The following ANGPT4 variants were observed in gnomAD, a reference collection of about 807,000 sequenced individuals.
ANGPT4 encodes angiopoietin-4.
A neutral mutation model predicts 53.0 loss-of-function variants in ANGPT4; 50 were observed. That is an observed-to-expected ratio of 0.94 (90% CI 0.75 to 1.20). The LOEUF (loss-of-function observed/expected upper bound fraction) is 1.20. Ranked by LOEUF, ANGPT4 falls within the 50% of genes most tolerant of loss-of-function variation. ANGPT4 has a pLI of 0.00. For synonymous variants in ANGPT4, 251 were observed against 259.7 expected (o/e 0.97, Z 0.32); for missense variants, 648 against 637.1 (o/e 1.02, Z -0.18).
At chr20:899,711 AC>A (rs1442527575) in intron 1 of ANGPT4, among the ~76,000 whole-genome samples, 3 of 151,990 alleles carry the variant, frequency 2.0e-5, no homozygotes, top group Admixed American at 2.0e-4. Flanking sequence ...GTGGTGCCAA[AC>A]CCATATACTC....
chr20:883,650 G>A (rs748041099), intron 4 of ANGPT4, among the ~76,000 whole-genome samples: 2 of 152,174 alleles, frequency 1.3e-5, no homozygotes, highest in African/African-American at 4.8e-5. Flanking sequence ...AGGGTGTTTG[G>A]GCAAAAGGTG....
At chr20:873,857 C>A (rs1168636783) in intron 8 of ANGPT4, among the ~76,000 whole-genome samples, 1 of 152,194 alleles carries the variant, frequency 6.6e-6, no homozygotes, top group African/African-American at 2.4e-5. Flanking sequence ...CTCCCATTCA[C>A]CCCACTTCCT....
chr20:885,265 G>C lies in ANGPT4; in HGVS notation c.648C>G (p.Ile216Met), dbSNP rs138501858. 25 of 1,582,388 alleles carry C rather than the reference G, an allele frequency of 1.6e-5. No homozygotes were observed. In the African/African-American group the frequency reaches 2.4e-4, roughly 15 times the overall value. Residue 216 changes from isoleucine to methionine, a missense_variant, in exon 4 of 9, where the codon ATC becomes ATG. Physicochemically the swap from Ile to Met is conservative, Grantham distance 10. Coordinates refer to ENST00000381922, the MANE Select transcript of ANGPT4 (RefSeq NM_015985.4). Reference protein sequence around the residue: ...ETKQQEELASILSKKAKLLNT... With the variant: ...ETKQQEELASMLSKKAKLLNT... The stretch of plus-strand genomic sequence containing the variant: ...TCAGCAGCTTCGCCTTCTTGCTGAG[G>C]ATGCTGGCCAGCTCCTCCTGCTGCT...
chr20:906,245 C>G (rs1982475866), intron 1 of ANGPT4, among the ~76,000 whole-genome samples: 1 of 152,178 alleles, frequency 6.6e-6, no homozygotes, highest in African/African-American at 2.4e-5. Context: ...GCCTGAGGAC[C>G]CTTAAGCAGC....
intron 1 of ANGPT4, among the ~76,000 whole-genome samples, chr20:899,741 C>T (rs1177309161): frequency 6.6e-6 from 1 of 152,174 alleles, no homozygotes; most frequent in Admixed American, 6.5e-5. Flanking sequence ...TCAATACGCC[C>T]CTCCACAACC....
In ANGPT4 at chr20:908,928, T is replaced by G. The variant is rs915697354; in HGVS notation, c.309+6978A>C. 2.6e-5 allele frequency among the ~76,000 whole-genome samples: 4 copies of G among 152,120 alleles called. No homozygotes were observed. Among genetic ancestry groups the G allele is most frequent in the Non-Finnish European group, 5.9e-5 (4 of 68,022 alleles). On this transcript the variant is annotated intron_variant, in intron 1 of 8. Transcript: ENST00000381922. The surrounding 1 kb of genome is among the most constrained non-coding windows in gnomAD (Gnocchi z 4.9). Reference sequence around the variant, plus strand: ...GGTCTCAGCTGGGTGTCAGGAACCCTGGGTTCTGGGCCAACTCCTGCCACC... The same window carrying G: ...GGTCTCAGCTGGGTGTCAGGAACCCGGGGTTCTGGGCCAACTCCTGCCACC...
intron 5 of ANGPT4, 150 bp from the exon 6 acceptor site, chr20:879,998 A>G (rs1981338132): frequency 2.1e-6 from 1 of 484,460 alleles, no homozygotes; most frequent in Admixed American, 3.9e-5. Flanking sequence ...CCAGGCTTAA[A>G]TTCCCCACCC....
At position 908,349 on chromosome 20, in the gene ANGPT4, T is replaced by C. The variant is rs949178755; in HGVS notation, c.309+7557A>G. 1.3e-5 allele frequency among the ~76,000 whole-genome samples: 2 copies of C among 152,186 alleles called. No homozygotes were observed. Among genetic ancestry groups the C allele is most frequent in the African/African-American group, 4.8e-5 (2 of 41,438 alleles). ...TGAATGCCTTTTGCTTTTGGCCCAT[T>C]CTACCCCCAGGGCCTTTGCACTTGC... On this transcript the variant is annotated intron_variant, in intron 1 of 8. Coordinates refer to ENST00000381922, the MANE Select transcript of ANGPT4 (RefSeq NM_015985.4). The surrounding 1 kb of genome is among the most constrained non-coding windows in gnomAD (Gnocchi z 4.9).
Position 879,781 on chromosome 20 carries a change from A to T in ANGPT4, c.1019T>A (p.Val340Glu). 6.2e-7 allele frequency: 1 copy of T among 1,613,688 alleles called. No individual in the cohort carries two copies. The highest frequency in any genetic ancestry group is 8.5e-7 in the Non-Finnish European group (1 of 1,179,788). Residue 340 changes from valine to glutamate, a missense_variant, in exon 6 of 9, where the codon GTG becomes GAG. Val to Glu is a moderately radical substitution (Grantham distance 121). Transcript: ENST00000381922. ...TLIQRRENGT[V>E]NFQRNWKDYK... ...ATCCTTCCAGTTCCGCTGAAAATTC[A>T]CGGTGCCATTCTCACGGCGCTGGAT... is the stretch of plus-strand genomic sequence containing the variant.
At position 870,386 on chromosome 20, in the gene ANGPT4, G is replaced by A. The variant is rs147639206; in HGVS notation, c.*2574C>T. The A allele has an allele frequency of 8.8e-3, 1,323 of 150,946 alleles. 12 individuals are homozygous for A. The highest frequency in any genetic ancestry group is 0.014 in the Non-Finnish European group (979 of 67,964). The allele number at this position is 150,946 out of a possible 1,614,324, so 9.4% of individuals were successfully genotyped here. ...TCTACTAAAAATACAAAAGTTTTCC[G>A]GGCGTGGTGGTAGGCGTCTGTAATC... On this transcript the variant is annotated 3_prime_UTR_variant, in exon 9 of 9. Coordinates refer to ENST00000381922, the MANE Select transcript of ANGPT4 (RefSeq NM_015985.4).
intron 8 of ANGPT4, among the ~76,000 whole-genome samples, chr20:874,047 T>TG (rs1491143680): frequency 6.6e-6 from 1 of 152,170 alleles, no homozygotes; most frequent in Non-Finnish European, 1.5e-5. Context: ...GCCTTGTCTC[T>TG]GAGGAAAACT....
chr20:905,253 C>T (rs925578869), intron 1 of ANGPT4, among the ~76,000 whole-genome samples: 8 of 152,170 alleles, frequency 5.3e-5, no homozygotes, highest in African/African-American at 1.9e-4. Flanking sequence ...GTCATTTGTC[C>T]AATTCCCCCA....
In ANGPT4 at chr20:890,339, C is replaced by A. The variant is rs1256339843; in HGVS notation, c.339G>T (p.Arg113Ser). 1 of 1,612,994 alleles carries A rather than the reference C, an allele frequency of 6.2e-7. No individual in the cohort carries two copies. Among genetic ancestry groups the A allele is most frequent in the Non-Finnish European group, 8.5e-7 (1 of 1,179,946 alleles). Residue 113 changes from arginine (R) to serine (S), a missense_variant, in exon 2 of 9, where the codon AGG becomes AGT. Transcript: ENST00000381922. ...GCTGCTGGACCTGCTCCAGCTTCGACCTCAAGATCGTCTTGATGGCCCTCT... is the reference window on the plus strand; with the variant it reads ...GCTGCTGGACCTGCTCCAGCTTCGAACTCAAGATCGTCTTGATGGCCCTCT... The part of the protein sequence containing the change: ...KLERAIKTIL[R>S]SKLEQVQQQM...
In ANGPT4 at chr20:911,232, C is replaced by T. The variant is rs1982683295; in HGVS notation, c.309+4674G>A. On this transcript the variant is annotated intron_variant, in intron 1 of 8. Transcript: ENST00000381922. This position sits in a 1 kb window ranked among gnomAD's most constrained non-coding sequence, Gnocchi z 4.9. The stretch of plus-strand genomic sequence containing the variant: ...CAGTTAGGCAGGGCCTCACAACTGC[C>T]AGGCCGAGGGGCCCAGTTATTCTGA... Among the ~76,000 whole-genome samples the T allele has an allele frequency of 6.6e-6, 1 of 152,202 alleles. No individual in the cohort carries two copies. Among genetic ancestry groups the T allele is most frequent in the African/African-American group, 2.4e-5 (1 of 41,454 alleles).
In ANGPT4 at chr20:888,361, G is replaced by A; in HGVS notation, c.544C>T (p.Leu182=). The change falls in exon 3 of 9, where the codon CTG becomes TTG. Residue 182 remains leucine (L), a synonymous_variant. Transcript: ENST00000381922. The part of the protein sequence containing the change: ...LSTNKLENQL[L]LQRQKLQQLQ... ...TGCTGGAGCTTCTGCCTCTGTAGCA[G>A]CAGCTGGTTCTCCAGCTTGTTGGTG... 6.2e-7 allele frequency: 1 copy of A among 1,613,910 alleles called. No individual in the cohort carries two copies. The highest frequency in any genetic ancestry group is 8.5e-7 in the Non-Finnish European group (1 of 1,179,976).
At chr20:893,989 T>A (rs1011291145) in intron 1 of ANGPT4, among the ~76,000 whole-genome samples, 1 of 151,938 alleles carries the variant, frequency 6.6e-6, no homozygotes, top group Non-Finnish European at 1.5e-5. Flanking sequence ...CTTTTTTTTT[T>A]TTGCAGTTGC....
chr20:896,731 A>C (rs1326515152), intron 1 of ANGPT4, among the ~76,000 whole-genome samples: 2 of 152,120 alleles, frequency 1.3e-5, no homozygotes, highest in African/African-American at 4.8e-5. Flanking sequence ...TGGGGCCTCT[A>C]CTGGTGTCTG....
intron 1 of ANGPT4, among the ~76,000 whole-genome samples, chr20:906,812 T>G (rs6086418): frequency 0.17 from 26,576 of 152,202 alleles, 2,497 homozygotes; most frequent in East Asian, 0.37. Flanking sequence ...GACATACTAT[T>G]GCTTTTCTTC....
chr20:916,131 C>T lies in ANGPT4; in HGVS notation c.84G>A (p.Glu28=), dbSNP rs767686759. ...CAAGTGTCTCGCAGCCCCTATCCGC[C>T]TCCTGCCTTGTCTGTTGAGCCACAG... ...TMSVAQQTRQ[E]ADRGCETLVV... The change falls in exon 1 of 9, where the codon GAG becomes GAA. Residue 28 remains glutamate (E), a synonymous_variant. Coordinates refer to ENST00000381922, the MANE Select transcript of ANGPT4 (RefSeq NM_015985.4). 1.2e-6 allele frequency: 2 copies of T among 1,614,084 alleles called. No individual in the cohort carries two copies. Among genetic ancestry groups the T allele is most frequent in the Non-Finnish European group, 1.7e-6 (2 of 1,180,020 alleles).
Sources: gnomAD v4.1 joint callset for allele counts (sites outside exome capture counted in the v4.1 genomes callset) on GRCh38, gnomAD v4.1.1 for gene constraint, Gnocchi (gnomAD v3.1) non-coding constraint, MANE v1.5 for transcripts, NCBI Gene and HGNC (gene_info 2026-07-23, HGNC 2026-07-21) for gene names.